Variants in SH3BGRL2 observed in about 807,000 individuals in gnomAD.
SH3BGRL2 encodes the protein SH3 domain binding glutamate rich protein like 2.
In SH3BGRL2, 21 loss-of-function variants were observed where a neutral mutation model predicts 14.8. The observed-to-expected ratio is 1.42, with a 90% confidence interval of 1.01 to 2.05. SH3BGRL2 has a LOEUF of 2.05. SH3BGRL2 is among the 30% of genes most tolerant of loss of function. The pLI is 0.00. For missense variants in SH3BGRL2, 147 were observed against 130.8 expected (o/e 1.12, Z -0.61); for synonymous variants, 50 against 47.8 (o/e 1.05, Z -0.19).
the SH3BGRL2 span, among the ~76,000 whole-genome samples, chr6:79,608,197 C>T: frequency 3.3e-5 from 5 of 152,278 alleles, no homozygotes; most frequent in Admixed American, 3.3e-4. Flanking sequence ...ATCCAATCAC[C>T]TCCTCTAACA....
At chr6:79,586,516 A>G in the SH3BGRL2 span, among the ~76,000 whole-genome samples, 1 of 152,194 alleles carries the variant, frequency 6.6e-6, no homozygotes, top group African/African-American at 2.4e-5. Context: ...TTGCATTAAA[A>G]TAAATAAAAT....
chr6:79,558,644 C>G, the SH3BGRL2 span, among the ~76,000 whole-genome samples: 8 of 151,872 alleles, frequency 5.3e-5, no homozygotes, highest in African/African-American at 1.9e-4. Flanking sequence ...GAGGGCAGAT[C>G]GCTTCAGCCC....
chr6:79,608,131 C>G, the SH3BGRL2 span, among the ~76,000 whole-genome samples: 2 of 152,076 alleles, frequency 1.3e-5, no homozygotes, highest in Non-Finnish European at 2.9e-5. Flanking sequence ...TTAAACAGGT[C>G]TCGTGAGAAC....
chr6:79,643,682 C>A (rs1769074671), intron 1 of SH3BGRL2, among the ~76,000 whole-genome samples: 1 of 152,114 alleles, frequency 6.6e-6, no homozygotes, highest in African/African-American at 2.4e-5. Context: ...TACCCTGCCC[C>A]CTCACAGAAG....
chr6:79,637,175 T>C (rs1169779953), intron 1 of SH3BGRL2, among the ~76,000 whole-genome samples: 1 of 152,156 alleles, frequency 6.6e-6, no homozygotes, highest in African/African-American at 2.4e-5. Flanking sequence ...ATATCCCAAG[T>C]GAAGATCTAA....
the SH3BGRL2 span, among the ~76,000 whole-genome samples, chr6:79,545,109 C>T: frequency 0.025 from 3,866 of 152,232 alleles, 59 homozygotes; most frequent in Middle Eastern, 0.071. Flanking sequence ...CAGCTGGCCT[C>T]ATGTCTCCCT....
chr6:79,541,544 A>G, the SH3BGRL2 span, among the ~76,000 whole-genome samples: 1 of 152,190 alleles, frequency 6.6e-6, no homozygotes, highest in African/African-American at 2.4e-5. Flanking sequence ...CCAGATTTAC[A>G]TTCTATTTAC....
the SH3BGRL2 span, among the ~76,000 whole-genome samples, chr6:79,571,234 C>T: frequency 6.6e-6 from 1 of 152,308 alleles, no homozygotes; most frequent in East Asian, 1.9e-4. Context: ...TTAGCACATT[C>T]TCCTGAATGA....
the SH3BGRL2 span, among the ~76,000 whole-genome samples, chr6:79,557,471 T>G: frequency 6.6e-6 from 1 of 152,004 alleles, no homozygotes; most frequent in African/African-American, 2.4e-5. Flanking sequence ...AAATTTAAAC[T>G]AATTGAGCAG....
chr6:79,635,724 A>C (rs1222509086), intron 1 of SH3BGRL2, among the ~76,000 whole-genome samples: 1 of 152,210 alleles, frequency 6.6e-6, no homozygotes, highest in Non-Finnish European at 1.5e-5. Flanking sequence ...AAAAGATAGA[A>C]AGGTATTGGA....
At chr6:79,673,909 C>G in intron 2 of SH3BGRL2, 110 bp downstream of exon 2, 1 of 1,098,608 alleles carries the variant, frequency 9.1e-7, no homozygotes, top group Non-Finnish European at 1.3e-6. Flanking sequence ...TCACCCAATG[C>G]CCATTCAGAT....
the SH3BGRL2 span, among the ~76,000 whole-genome samples, chr6:79,577,394 A>G: frequency 6.6e-6 from 1 of 152,176 alleles, no homozygotes; most frequent in African/African-American, 2.4e-5. Context: ...AAACCTTAGT[A>G]TTAAACTCTT....
intron 1 of SH3BGRL2, among the ~76,000 whole-genome samples, chr6:79,660,638 A>C (rs1453714813): frequency 6.6e-6 from 1 of 152,102 alleles, no homozygotes; most frequent in Non-Finnish European, 1.5e-5. Flanking sequence ...TGGTAACTGG[A>C]TGATGCTGGC....
the SH3BGRL2 span, among the ~76,000 whole-genome samples, chr6:79,589,836 A>G: frequency 3.3e-5 from 5 of 152,232 alleles, no homozygotes; most frequent in African/African-American, 1.2e-4. Flanking sequence ...TGCAGTGGCA[A>G]TCTCAGCTCG....
intron 1 of SH3BGRL2, among the ~76,000 whole-genome samples, chr6:79,658,932 A>G (rs1044389825): frequency 3.9e-5 from 6 of 152,166 alleles, no homozygotes; most frequent in Non-Finnish European, 5.9e-5. Context: ...TGGCTGCATA[A>G]ATGTCTTCTT....
chr6:79,646,878 T>C (rs1257925027), intron 1 of SH3BGRL2, among the ~76,000 whole-genome samples: 2 of 152,236 alleles, frequency 1.3e-5, no homozygotes, highest in African/African-American at 4.8e-5. Context: ...CTTCATTTCT[T>C]TTTATGGCTG....
Position 79,631,348 on chromosome 6 carries a change from C to G in SH3BGRL2, c.-114C>G. On this transcript the variant is annotated 5_prime_UTR_variant, in exon 1 of 4. Transcript: ENST00000369838. ...GGAGCCAGATCCCAGCGATCTTCCCCGACGGCAGCGCTTTACCCAGAGGCT... is the reference window on the plus strand; with the variant it reads ...GGAGCCAGATCCCAGCGATCTTCCCGGACGGCAGCGCTTTACCCAGAGGCT... 1.0e-6 allele frequency: 1 copy of G among 966,914 alleles called. No individual in the cohort carries two copies. Among genetic ancestry groups the G allele is most frequent in the Non-Finnish European group, 1.4e-6 (1 of 709,428 alleles). The allele number at this position is 966,914 out of a possible 1,614,324, so 59.9% of individuals were successfully genotyped here. A position where few individuals can be genotyped will look rare whatever the true frequency, so the allele number is the denominator to read the frequency against.
chr6:79,604,800 A>G, the SH3BGRL2 span, among the ~76,000 whole-genome samples: 1 of 152,214 alleles, frequency 6.6e-6, no homozygotes, highest in Non-Finnish European at 1.5e-5. Flanking sequence ...CCACTACACT[A>G]GCAGCTGACT....
At chr6:79,611,779 C>T in the SH3BGRL2 span, among the ~76,000 whole-genome samples, 1 of 152,272 alleles carries the variant, frequency 6.6e-6, no homozygotes, top group Middle Eastern at 3.4e-3. Context: ...TGGGCAAATC[C>T]AGATTCCAGT....
Sources: gnomAD v4.1 joint callset for allele counts (sites outside exome capture counted in the v4.1 genomes callset) on GRCh38, gnomAD v4.1.1 for gene constraint, MANE v1.5 for transcripts, NCBI Gene and HGNC (gene_info 2026-07-23, HGNC 2026-07-21) for gene names.